Variants in NR2F1-AS1 observed in about 807,000 individuals in gnomAD.
NR2F1-AS1 encodes NR2F1 antisense RNA 1.
rs142803867 is a variant in NR2F1-AS1 at position 93,518,538 on chromosome 5, T to C, written n.638+35223A>G. On this transcript the variant is annotated intron_variant and non_coding_transcript_variant, in intron 4 of 5. Transcript: ENST00000660523. ...AGATCATACAATTTCAGAAATAAGA[T>C]ATGAACCCAGATTTTTTATTTCCAA... is the stretch of plus-strand genomic sequence containing the variant. Among the ~76,000 whole-genome samples, 365 of 152,218 alleles carry C rather than the reference T, an allele frequency of 2.4e-3. 2 individuals carry two copies. The highest frequency in any genetic ancestry group is 8.3e-3 in the African/African-American group (344 of 41,574).
intron 4 of NR2F1-AS1, among the ~76,000 whole-genome samples, chr5:93,420,590 A>G (rs1230760731): frequency 1.3e-5 from 2 of 152,208 alleles, no homozygotes; most frequent in Non-Finnish European, 1.5e-5. Flanking sequence ...GGATTTTTTT[A>G]AAGGAAGAGG....
chr5:93,448,406 C>A (rs1043760654), intron 4 of NR2F1-AS1, among the ~76,000 whole-genome samples: 2 of 152,138 alleles, frequency 1.3e-5, no homozygotes, highest in Non-Finnish European at 2.9e-5. Flanking sequence ...TTAGGATACT[C>A]AAAAATTTAA....
chr5:93,411,151 C>T (rs1263232504), intron 4 of NR2F1-AS1: 1 of 152,100 alleles, frequency 6.6e-6, no homozygotes, highest in South Asian at 2.1e-4. Flanking sequence ...ATCTTCTTCC[C>T]CTATTTTGTG....
intron 4 of NR2F1-AS1, among the ~76,000 whole-genome samples, chr5:93,534,610 T>A (rs1223327979): frequency 6.6e-6 from 1 of 152,194 alleles, no homozygotes; most frequent in African/African-American, 2.4e-5. Flanking sequence ...TTACTTAGTG[T>A]CCATAAATAC....
chr5:93,533,946 T>G (rs927148934), intron 4 of NR2F1-AS1, among the ~76,000 whole-genome samples: 53 of 152,072 alleles, frequency 3.5e-4, no homozygotes, highest in African/African-American at 1.2e-3. Flanking sequence ...CTGGCCAACA[T>G]AGTGAAACTG....
chr5:93,577,680 C>A (rs937233386), intron 1 of NR2F1-AS1, among the ~76,000 whole-genome samples: 7 of 152,178 alleles, frequency 4.6e-5, no homozygotes, highest in Admixed American at 3.9e-4. Flanking sequence ...TATGTCCTTC[C>A]TGGCTTTAAT....
intron 1 of NR2F1-AS1, among the ~76,000 whole-genome samples, chr5:93,572,889 C>A (rs1232036396): frequency 6.6e-6 from 1 of 152,224 alleles, no homozygotes; most frequent in Non-Finnish European, 1.5e-5. Context: ...CGCTGAGAGG[C>A]GCGGCCGGCG....
chr5:93,425,339 T>G (rs959920985), intron 4 of NR2F1-AS1, among the ~76,000 whole-genome samples: 4 of 152,170 alleles, frequency 2.6e-5, no homozygotes, highest in African/African-American at 9.7e-5. Flanking sequence ...CACAATAACC[T>G]GGGCTCATTG....
At chr5:93,567,881 T>C (rs1189496879) in intron 1 of NR2F1-AS1, among the ~76,000 whole-genome samples, 1 of 152,210 alleles carries the variant, frequency 6.6e-6, no homozygotes, top group Non-Finnish European at 1.5e-5. Context: ...ATGAACGTTT[T>C]TAAATAATTA....
At chr5:93,515,746 T>C (rs546802042) in intron 4 of NR2F1-AS1, among the ~76,000 whole-genome samples, 5 of 152,044 alleles carry the variant, frequency 3.3e-5, no homozygotes, top group Admixed American at 1.3e-4. Flanking sequence ...CCTTAATAAA[T>C]AGATGATTGA....
intron 4 of NR2F1-AS1, among the ~76,000 whole-genome samples, chr5:93,437,204 G>T (rs1749451000): frequency 6.6e-6 from 1 of 151,918 alleles, no homozygotes; most frequent in East Asian, 1.9e-4. Flanking sequence ...GTAGTCAATA[G>T]CTACACATAG....
At chr5:93,501,602 T>C (rs1042991528) in intron 4 of NR2F1-AS1, among the ~76,000 whole-genome samples, 2 of 151,958 alleles carry the variant, frequency 1.3e-5, no homozygotes, top group African/African-American at 4.8e-5. Flanking sequence ...GATCCACCTG[T>C]CTCTGCCTCC....
intron 4 of NR2F1-AS1, among the ~76,000 whole-genome samples, chr5:93,445,199 TC>T (rs1749669404): frequency 6.6e-6 from 1 of 151,824 alleles, no homozygotes; most frequent in Non-Finnish European, 1.5e-5. Flanking sequence ...ATAACTAAGA[TC>T]AGAGCAGAAC....
intron 4 of NR2F1-AS1, among the ~76,000 whole-genome samples, chr5:93,492,966 C>T (rs1750884240): frequency 6.6e-6 from 1 of 152,050 alleles, no homozygotes; most frequent in Admixed American, 6.6e-5. Flanking sequence ...AAGCTTTCCC[C>T]TAAGATCAGG....
chr5:93,553,126 CTTTTT>C (rs759720424), intron 4 of NR2F1-AS1, among the ~76,000 whole-genome samples: 1 of 133,766 alleles, frequency 7.5e-6, no homozygotes, highest in Non-Finnish European at 1.6e-5. Flanking sequence ...CAGTAATACA[CTTTTT>C]TTTTTTTTTT....
chr5:93,444,501 T>C (rs765918165), intron 4 of NR2F1-AS1, among the ~76,000 whole-genome samples: 2 of 152,164 alleles, frequency 1.3e-5, no homozygotes, highest in African/African-American at 4.8e-5. Context: ...AAGCGCTAAC[T>C]ATCCTAAATA....
At chr5:93,453,195 C>T (rs1206921206) in intron 4 of NR2F1-AS1, among the ~76,000 whole-genome samples, 4 of 151,536 alleles carry the variant, frequency 2.6e-5, no homozygotes, top group African/African-American at 9.7e-5. Context: ...ATCATATAAA[C>T]AACAGAATAA....
chr5:93,565,831 AATATAT>A (rs375308670), intron 1 of NR2F1-AS1, among the ~76,000 whole-genome samples: 153 of 151,070 alleles, frequency 1.0e-3, no homozygotes, highest in African/African-American at 3.6e-3. Context: ...AATGTGCTAA[AATATAT>A]ATATATATAA....
chr5:93,496,293 G>GA, intron 4 of NR2F1-AS1, among the ~76,000 whole-genome samples: 1 of 152,170 alleles, frequency 6.6e-6, no homozygotes, highest in Non-Finnish European at 1.5e-5. Flanking sequence ...GTCTGTGAGG[G>GA]AAAGAAACTG....
Sources: gnomAD v4.1 joint callset for allele counts (sites outside exome capture counted in the v4.1 genomes callset) on GRCh38, gnomAD v4.1.1 for gene constraint, MANE v1.5 for transcripts, NCBI Gene and HGNC (gene_info 2026-07-23, HGNC 2026-07-21) for gene names.